Variants in CPPED1 observed in about 807,000 individuals in gnomAD.
The protein encoded by CPPED1 is calcineurin like phosphoesterase domain containing 1.
In CPPED1, 28 loss-of-function variants were observed where a neutral mutation model predicts 28.0. The observed-to-expected ratio is 1.00, with a 90% CI of 0.74 to 1.37. The LOEUF (loss-of-function observed/expected upper bound fraction) is 1.37. Ranked by LOEUF, CPPED1 falls within the 40% of genes most tolerant of loss-of-function variation. The pLI is 0.00. For missense variants in CPPED1, 504 were observed against 416.5 expected (o/e 1.21, Z -1.83); for synonymous variants, 198 against 180.2 (o/e 1.10, Z -0.79).
At chr16:12,803,183 C>T (rs113258062) in intron 1 of CPPED1, among the ~76,000 whole-genome samples, 5,547 of 152,278 alleles carry the variant, frequency 0.036, 276 homozygotes, top group African/African-American at 0.11. Context: ...CTCGAATGCC[C>T]TCCCTCTCTA....
chr16:12,754,082 C>A (rs988443670), intron 2 of CPPED1, among the ~76,000 whole-genome samples: 1 of 152,134 alleles, frequency 6.6e-6, no homozygotes, highest in African/African-American at 2.4e-5. Context: ...TCTTTGTACA[C>A]CATTGCTTTT....
intron 3 of CPPED1, among the ~76,000 whole-genome samples, chr16:12,673,663 G>A (rs2079863804): frequency 6.6e-6 from 1 of 152,136 alleles, no homozygotes; most frequent in Non-Finnish European, 1.5e-5. Flanking sequence ...GCCCCTCAGG[G>A]CTCACCAATT....
chr16:12,672,740 T>C (rs1039658880), intron 3 of CPPED1, among the ~76,000 whole-genome samples: 2 of 152,142 alleles, frequency 1.3e-5, no homozygotes, highest in African/African-American at 4.8e-5. Context: ...CACGAATTAA[T>C]CGGGTGATTG....
At chr16:12,792,336 T>C (rs906850128) in intron 1 of CPPED1, among the ~76,000 whole-genome samples, 8 of 152,114 alleles carry the variant, frequency 5.3e-5, no homozygotes, top group African/African-American at 1.9e-4. Flanking sequence ...CATAACAATG[T>C]CTACAGACAT....
chr16:12,693,814 A>C (rs11866658), intron 3 of CPPED1, among the ~76,000 whole-genome samples: 1,739 of 152,374 alleles, frequency 0.011, 32 homozygotes, highest in African/African-American at 0.039. Flanking sequence ...AGGAGAAGAT[A>C]TAATATTTTG....
At chr16:12,782,426 C>T (rs749092285) in intron 1 of CPPED1, among the ~76,000 whole-genome samples, 3 of 152,114 alleles carry the variant, frequency 2.0e-5, no homozygotes, top group Non-Finnish European at 4.4e-5. Flanking sequence ...TGAGGACCCC[C>T]GATCTACAGC....
intron 2 of CPPED1, among the ~76,000 whole-genome samples, chr16:12,711,500 A>G (rs2080079705): frequency 6.6e-6 from 1 of 152,234 alleles, no homozygotes; most frequent in South Asian, 2.1e-4. Flanking sequence ...CGTTACGTAT[A>G]TTCTGCCATG....
chr16:12,679,695 T>C (rs375335670), intron 3 of CPPED1, among the ~76,000 whole-genome samples: 1 of 152,168 alleles, frequency 6.6e-6, no homozygotes, highest in East Asian at 1.9e-4. Context: ...CTCACTAACA[T>C]CCTGAAAACT....
At chr16:12,784,575 ACT>A in intron 1 of CPPED1, among the ~76,000 whole-genome samples, 1 of 150,696 alleles carries the variant, frequency 6.6e-6, no homozygotes, top group Non-Finnish European at 1.5e-5. Flanking sequence ...AAAAACTGAG[ACT>A]CTGCTTTGTG....
At chr16:12,677,599 G>A (rs2079884173) in intron 3 of CPPED1, among the ~76,000 whole-genome samples, 2 of 152,194 alleles carry the variant, frequency 1.3e-5, no homozygotes, top group Non-Finnish European at 1.5e-5. Context: ...CTGAGCTCGT[G>A]CCACTGCACT....
At chr16:12,717,825 A>G (rs1397917095) in intron 2 of CPPED1, among the ~76,000 whole-genome samples, 1 of 152,084 alleles carries the variant, frequency 6.6e-6, no homozygotes, top group Non-Finnish European at 1.5e-5. Flanking sequence ...TACTTTTAGT[A>G]GAGGCAGGGT....
At position 12,678,489 on chromosome 16, in the gene CPPED1, G is replaced by A. The variant is rs556317505; in HGVS notation, c.716-13374C>T. ...ATTTTGTTGAATCTGTCGCTCAATC[G>A]GGGGGGAAATGCCGTATTAACATTG... On this transcript the variant is annotated intron_variant, in intron 3 of 3. Transcript: ENST00000381774. Among the ~76,000 whole-genome samples the A allele has an allele frequency of 2.0e-4, 31 of 152,092 alleles. No individual in the cohort carries two copies. In the South Asian group the frequency reaches 2.1e-3, roughly 10 times the overall value.
rs755689329 is a variant in CPPED1, at chr16:12,664,869, G to A, written c.*17C>T. 1.8e-5 allele frequency: 29 copies of A among 1,608,356 alleles called. No homozygotes were observed. Among genetic ancestry groups the A allele is most frequent in the East Asian group, 9.0e-5 (4 of 44,668 alleles). On this transcript the variant is annotated 3_prime_UTR_variant, in exon 4 of 4. Transcript: ENST00000381774. This position sits in a 1 kb window ranked among gnomAD's most constrained non-coding sequence, Gnocchi z 4.2. ...AAAATAGTGCAAGTGAAAAGTGAAC[G>A]GGAACGGGAAGGAGCGTCATTTTTT...
chr16:12,784,868 G>C (rs551318594), intron 1 of CPPED1, among the ~76,000 whole-genome samples: 2 of 152,296 alleles, frequency 1.3e-5, no homozygotes, highest in African/African-American at 4.8e-5. Flanking sequence ...AGTCCTTGAA[G>C]CTATTAAAAC....
chr16:12,777,903 C>CTTTTTTTTTTT (rs67527035), intron 2 of CPPED1, among the ~76,000 whole-genome samples: 5 of 126,604 alleles, frequency 3.9e-5, no homozygotes, highest in African/African-American at 2.8e-5. Context: ...TTTCTATTTT[C>CTTTTTTTTTTT]TTTTTTTTTT....
intron 3 of CPPED1, among the ~76,000 whole-genome samples, chr16:12,672,236 G>A (rs908493088): frequency 6.6e-6 from 1 of 152,198 alleles, no homozygotes; most frequent in Non-Finnish European, 1.5e-5. Context: ...TAGCAATACT[G>A]TCGCACATTT....
At chr16:12,696,700 G>C (rs966920680) in intron 3 of CPPED1, among the ~76,000 whole-genome samples, 2 of 151,632 alleles carry the variant, frequency 1.3e-5, no homozygotes, top group African/African-American at 2.4e-5. Flanking sequence ...GCCTCAGCCT[G>C]CCAAAGTGCT....
chr16:12,786,336 A>G (rs920400306), intron 1 of CPPED1, among the ~76,000 whole-genome samples: 2 of 151,998 alleles, frequency 1.3e-5, no homozygotes, highest in Non-Finnish European at 2.9e-5. Context: ...TAACCAAGGA[A>G]CTCGAGTGGC....
chr16:12,722,958 T>A (rs1453051352), intron 2 of CPPED1, among the ~76,000 whole-genome samples: 1 of 152,112 alleles, frequency 6.6e-6, no homozygotes, highest in African/African-American at 2.4e-5. Context: ...CAGGAAGACA[T>A]CGGGATACCC....
Sources: gnomAD v4.1 joint callset for allele counts (sites outside exome capture counted in the v4.1 genomes callset) on GRCh38, gnomAD v4.1.1 for gene constraint, Gnocchi (gnomAD v3.1) non-coding constraint, MANE v1.5 for transcripts, NCBI Gene and HGNC (gene_info 2026-07-23, HGNC 2026-07-21) for gene names.